SHLD2: variants seen among roughly 807,000 people sequenced by gnomAD.
SHLD2 encodes the protein RINN1-REV7-interacting novel NHEJ regulator 2.
SHLD2 carries 30 observed loss-of-function variants against 73.2 expected under a neutral mutation model. The ratio of observed to expected loss-of-function variants is 0.41; its 90% confidence interval spans 0.31 to 0.56. SHLD2 has a LOEUF of 0.56. Ranked by LOEUF, SHLD2 falls within the 20% of genes least tolerant of loss-of-function variation. SHLD2 has a pLI of 0.28. For synonymous variants in SHLD2, 285 were observed against 370.1 expected, an observed-to-expected ratio of 0.77 and a Z score of 2.64; for missense variants, 745 against 1,055.9, an observed-to-expected ratio of 0.71 and a Z score of 4.08.
At chr10:87,102,858 CT>C (rs1424376055) in intron 2 of SHLD2, among the ~76,000 whole-genome samples, 1 of 152,016 alleles carries the variant, frequency 6.6e-6, no homozygotes, top group African/African-American at 2.4e-5. Flanking sequence ...TAAACAAGGA[CT>C]TTTTTTATTT....
chr10:87,132,650 T>G (rs1265165346), intron 2 of SHLD2, among the ~76,000 whole-genome samples: 1 of 152,040 alleles, frequency 6.6e-6, no homozygotes, highest in African/African-American at 2.4e-5. Flanking sequence ...GGTGCGTGCC[T>G]GTACTCCTAG....
At chr10:87,140,876 T>C (rs1157122889) in intron 2 of SHLD2, among the ~76,000 whole-genome samples, 1 of 152,108 alleles carries the variant, frequency 6.6e-6, no homozygotes, top group Admixed American at 6.6e-5. Context: ...CTTGGGAGGC[T>C]GAGGTGGGAG....
chr10:87,105,052 A>G (rs1321767591), intron 2 of SHLD2, among the ~76,000 whole-genome samples: 1 of 152,114 alleles, frequency 6.6e-6, no homozygotes, highest in Admixed American at 6.6e-5. Flanking sequence ...TTTTCTTTAT[A>G]TATAAAGTAT....
intron 4 of SHLD2, among the ~76,000 whole-genome samples, chr10:87,158,756 AAAAG>A (rs1210423665): frequency 1.3e-5 from 2 of 152,316 alleles, no homozygotes; most frequent in East Asian, 1.9e-4. Context: ...TAACATAAAA[AAAAG>A]AAAGAAAACA....
At chr10:87,096,675 A>G (rs560652826) in intron 1 of SHLD2, among the ~76,000 whole-genome samples, 1 of 152,208 alleles carries the variant, frequency 6.6e-6, no homozygotes, top group Non-Finnish European at 1.5e-5. Context: ...TGGTTTTAAA[A>G]TGACACCCAT....
intron 8 of SHLD2, among the ~76,000 whole-genome samples, chr10:87,182,671 A>G (rs1848384835): frequency 6.6e-6 from 1 of 152,174 alleles, no homozygotes; most frequent in Non-Finnish European, 1.5e-5. Context: ...CAGCAGGTCA[A>G]ACCACAATTA....
intron 8 of SHLD2, among the ~76,000 whole-genome samples, chr10:87,183,867 C>T (rs540021535): frequency 2.6e-5 from 4 of 152,216 alleles, no homozygotes; most frequent in African/African-American, 7.2e-5. Flanking sequence ...TCTTCTACCC[C>T]CTCTTTAAAT....
chr10:87,148,884 T>TC (rs1230388493), intron 2 of SHLD2, among the ~76,000 whole-genome samples: 1 of 144,866 alleles, frequency 6.9e-6, no homozygotes, highest in Non-Finnish European at 1.5e-5. Context: ...CCCACCAACT[T>TC]TTTTTTTTTT....
At position 87,187,114 on chromosome 10, in the gene SHLD2, G is replaced by T; in HGVS notation, c.2429G>T (p.Arg810Ile). The T allele has an allele frequency of 6.2e-7, 1 of 1,613,288 alleles. No homozygotes were observed. The highest frequency in any genetic ancestry group is 8.5e-7 in the Non-Finnish European group (1 of 1,179,348). ...RPALMTAIDGRHDVCIRVESK... is the reference protein window; with the variant it reads ...RPALMTAIDGIHDVCIRVESK... Reference sequence around the variant, plus strand: ...GCGTTAATGACTGCCATTGATGGAAGACATGATGTTTGTATCCGTGTAGAA... The same window carrying T: ...GCGTTAATGACTGCCATTGATGGAATACATGATGTTTGTATCCGTGTAGAA... Residue 810 changes from arginine to isoleucine, a missense_variant, in exon 9 of 10, where the codon AGA (arginine) becomes ATA (isoleucine). By Grantham distance (97) the Arg-to-Ile change is moderately conservative. Coordinates refer to ENST00000298786, the MANE Select transcript of SHLD2 (RefSeq NM_001330112.2).
At chr10:87,104,920 G>GA (rs1397434776) in intron 2 of SHLD2, among the ~76,000 whole-genome samples, 1 of 152,086 alleles carries the variant, frequency 6.6e-6, no homozygotes, top group African/African-American at 2.4e-5. Flanking sequence ...CCGCCTCCCA[G>GA]TGTTGGGATT....
chr10:87,166,455 A>G (rs1299973088), intron 4 of SHLD2, among the ~76,000 whole-genome samples: 1 of 152,150 alleles, frequency 6.6e-6, no homozygotes, highest in Non-Finnish European at 1.5e-5. Flanking sequence ...AAAAGGAAAA[A>G]TTTTTAAATG....
chr10:87,107,007 AT>A (rs1842635584), intron 2 of SHLD2, among the ~76,000 whole-genome samples: 1 of 148,428 alleles, frequency 6.7e-6, no homozygotes, highest in Admixed American at 6.9e-5. Flanking sequence ...AATCCTTGTG[AT>A]TGCATTCTTG....
intron 2 of SHLD2, among the ~76,000 whole-genome samples, chr10:87,129,782 A>G (rs1184919202): frequency 1.3e-5 from 2 of 151,244 alleles, no homozygotes; most frequent in African/African-American, 4.9e-5. Context: ...CGCCAAACCT[A>G]GCTAACTTTT....
intron 2 of SHLD2, among the ~76,000 whole-genome samples, chr10:87,097,925 A>G (rs922512757): frequency 4.6e-5 from 7 of 151,690 alleles, no homozygotes; most frequent in Admixed American, 2.6e-4. Context: ...ATGCCAGGCT[A>G]ATTTTTTTGT....
At chr10:87,167,163 T>G (rs574187824) in intron 4 of SHLD2, among the ~76,000 whole-genome samples, 2 of 152,244 alleles carry the variant, frequency 1.3e-5, no homozygotes, top group Non-Finnish European at 2.9e-5. Context: ...AAGTAATAGT[T>G]CAGTAATTTC....
At position 87,151,636 on chromosome 10, in the gene SHLD2, T is replaced by C. The variant is rs1564599269; in HGVS notation, c.282T>C (p.Arg94=). The change falls in exon 3 of 10, where the codon CGT becomes CGC. Residue 94 remains arginine, a synonymous_variant. Coordinates refer to ENST00000298786, the MANE Select transcript of SHLD2 (RefSeq NM_001330112.2). ...TTCATGTGAAAGATGACTTTGTACG[T>C]TCTGTTTCTGAAACACAGAATATAG... The part of the protein sequence containing the change: ...RHVHVKDDFV[R]SVSETQNIES... The C allele has an allele frequency of 6.2e-7, 1 of 1,611,916 alleles. No homozygotes were observed.
chr10:87,175,046 C>T (rs1242322199), intron 6 of SHLD2, among the ~76,000 whole-genome samples: 3 of 145,166 alleles, frequency 2.1e-5, no homozygotes, highest in Admixed American at 7.2e-5. Flanking sequence ...GAACCTGGGA[C>T]GTGGAGCTTG....
chr10:87,110,353 T>A (rs1842842272), intron 2 of SHLD2, among the ~76,000 whole-genome samples: 1 of 152,128 alleles, frequency 6.6e-6, no homozygotes, highest in Non-Finnish European at 1.5e-5. Flanking sequence ...CTCATGCCTG[T>A]AATCCCAGCA....
At position 87,126,514 on chromosome 10, in the gene SHLD2, C is replaced by T. The variant is rs192440327; in HGVS notation, c.-5-24836C>T. ...GTACTAACTAGAAGTAGTATAGAAA[C>T]TGCAAATTAAAAAAAAACCCCAGGT... On this transcript the variant is annotated intron_variant, in intron 2 of 9. Coordinates refer to ENST00000298786, the MANE Select transcript of SHLD2 (RefSeq NM_001330112.2). 4.0e-5 allele frequency among the ~76,000 whole-genome samples: 6 copies of T among 151,832 alleles called. No individual in the cohort carries two copies. In the East Asian group the frequency reaches 1.2e-3, roughly 29 times the overall value.
Sources: gnomAD v4.1 joint callset for allele counts (sites outside exome capture counted in the v4.1 genomes callset) on GRCh38, gnomAD v4.1.1 for gene constraint, MANE v1.5 for transcripts, NCBI Gene and HGNC (gene_info 2026-07-23, HGNC 2026-07-21) for gene names.